LRFN5: variants seen among roughly 807,000 people sequenced by gnomAD.
The protein encoded by LRFN5 is leucine-rich repeat and fibronectin type-III domain-containing protein 5.
Under a neutral mutation model 45.6 loss-of-function variants are expected in LRFN5, and 24 were observed. The observed-to-expected ratio is 0.53, with a 90% CI of 0.38 to 0.74. LRFN5 has a LOEUF of 0.74. LRFN5 is among the 30% of genes least tolerant of loss of function. LRFN5 has a pLI of 0.00. For missense variants in LRFN5, 776 were observed against 861.5 expected (o/e 0.90, Z 1.24); for synonymous variants, 340 against 313.8 (o/e 1.08, Z -0.88).
At chr14:41,817,153 T>C (rs577589710) in intron 2 of LRFN5, among the ~76,000 whole-genome samples, 1 of 152,218 alleles carries the variant, frequency 6.6e-6, no homozygotes, top group South Asian at 2.1e-4. Flanking sequence ...AATTTTTATA[T>C]CTCTGCTTAC....
intron 1 of LRFN5, among the ~76,000 whole-genome samples, chr14:41,673,747 C>T (rs1009348463): frequency 1.5e-5 from 2 of 134,894 alleles, no homozygotes; most frequent in African/African-American, 2.8e-5. Flanking sequence ...TAGGGGTGGC[C>T]GGGCAGAGGC....
chr14:41,671,709 T>C (rs1485941199), intron 1 of LRFN5, among the ~76,000 whole-genome samples: 3 of 142,044 alleles, frequency 2.1e-5, no homozygotes, highest in Non-Finnish European at 4.5e-5. Context: ...CTCTGCCTCC[T>C]GGGTTCAAGC....
intron 2 of LRFN5, among the ~76,000 whole-genome samples, chr14:41,797,102 G>A (rs1276275725): frequency 6.6e-6 from 1 of 151,766 alleles, no homozygotes; most frequent in Non-Finnish European, 1.5e-5. Flanking sequence ...TTAATCAACA[G>A]TGTCAAATAT....
At chr14:41,809,119 T>C (rs1887651802) in intron 2 of LRFN5, among the ~76,000 whole-genome samples, 1 of 152,090 alleles carries the variant, frequency 6.6e-6, no homozygotes. Flanking sequence ...ATCTGGATTT[T>C]TTAGTCTAAC....
chr14:41,705,681 C>A (rs1453144823), intron 1 of LRFN5, among the ~76,000 whole-genome samples: 4 of 152,144 alleles, frequency 2.6e-5, no homozygotes, highest in African/African-American at 4.8e-5. Context: ...GGTAACCTAG[C>A]AACATGTTTA....
chr14:41,707,204 G>A (rs1464838665), intron 1 of LRFN5, among the ~76,000 whole-genome samples: 1 of 152,184 alleles, frequency 6.6e-6, no homozygotes, highest in Non-Finnish European at 1.5e-5. Flanking sequence ...TAAGGTGGAA[G>A]GCAAGAATAT....
chr14:41,852,771 A>C (rs1889316107), intron 2 of LRFN5, among the ~76,000 whole-genome samples: 2 of 151,930 alleles, frequency 1.3e-5, no homozygotes, highest in Admixed American at 1.3e-4. Context: ...TGCTCCATTG[A>C]ATAAAACTAC....
Position 41,607,718 on chromosome 14 carries a change from G to A in LRFN5, c.-1041G>A, listed in dbSNP as rs1346983480. ...CGGCTGCTGGGCTGTGGACCCAGGT[G>A]TGTGGATCGCTTTACCCAGAAGCTT... On this transcript the variant is annotated 5_prime_UTR_variant, in exon 1 of 6. In the 5' UTR this introduces an upstream ATG that the reference lacks. Transcript: ENST00000298119. 1 of 152,274 alleles carries A rather than the reference G, an allele frequency of 6.6e-6. No individual in the cohort carries two copies. The highest frequency in any genetic ancestry group is 1.9e-4 in the East Asian group (1 of 5,164). 9.4% of individuals were successfully genotyped at this position (152,274 alleles called of 1,614,324 possible).
chr14:41,798,993 T>G (rs1001758762), intron 2 of LRFN5, among the ~76,000 whole-genome samples: 4 of 152,092 alleles, frequency 2.6e-5, no homozygotes, highest in African/African-American at 9.6e-5. Context: ...TTTATCATTT[T>G]ACCTTGTATT....
intron 2 of LRFN5, among the ~76,000 whole-genome samples, chr14:41,796,846 A>G (rs766463383): frequency 1.3e-5 from 2 of 151,900 alleles, no homozygotes; most frequent in Non-Finnish European, 2.9e-5. Flanking sequence ...GCTGTCGAAG[A>G]TAATAATTCT....
intron 2 of LRFN5, among the ~76,000 whole-genome samples, chr14:41,799,624 T>C (rs17112273): frequency 0.14 from 22,032 of 151,966 alleles, 1,767 homozygotes; most frequent in East Asian, 0.22. Context: ...TATTTGTTAA[T>C]GTATTTTTCT....
chr14:41,880,671 T>G (rs1890347855), intron 2 of LRFN5, among the ~76,000 whole-genome samples: 1 of 152,174 alleles, frequency 6.6e-6, no homozygotes, highest in Non-Finnish European at 1.5e-5. Flanking sequence ...CTTTTATAGC[T>G]ACTGCTCTCT....
Position 41,856,675 on chromosome 14 carries a change from A to ATTATTTTTTTTTTTT in LRFN5, c.-20-29929_-20-29928insATTTTTTTTTTTTTT. 5.6e-3 allele frequency among the ~76,000 whole-genome samples: 102 copies of ATTATTTTTTTTTTTT among 18,338 alleles called. 11 individuals are homozygous for ATTATTTTTTTTTTTT. The highest frequency in any genetic ancestry group is 0.071 in the Middle Eastern group (1 of 14). 12.0% of individuals were successfully genotyped at this position (18,338 alleles called of 152,430 possible). A position where few individuals can be genotyped will look rare whatever the true frequency, so the allele number is the denominator to read the frequency against. On this transcript the variant is annotated intron_variant, in intron 2 of 5. Transcript: ENST00000298119. ...TTCTTTCCTAATTATTATTATTATT[A>ATTATTTTTTTTTTTT]TTTTTTTTTTTTTTTTTTTGAGACG...
At chr14:41,894,784 T>G (rs1460910829) in intron 4 of LRFN5, 1 of 981,832 alleles carries the variant, frequency 1.0e-6, no homozygotes, top group East Asian at 1.1e-4. Context: ...GAATTTTCAT[T>G]TGTTAGTACA....
intron 2 of LRFN5, among the ~76,000 whole-genome samples, chr14:41,811,102 G>T (rs995632906): frequency 2.0e-5 from 3 of 151,874 alleles, no homozygotes; most frequent in African/African-American, 7.3e-5. Flanking sequence ...ATTTTAAAAG[G>T]TGCAAATAAT....
intron 1 of LRFN5, among the ~76,000 whole-genome samples, chr14:41,762,682 C>T (rs959125357): frequency 2.0e-5 from 3 of 151,890 alleles, no homozygotes; most frequent in Admixed American, 2.0e-4. Context: ...ATAGAATTTC[C>T]TATCTTATAA....
At chr14:41,614,761 G>A (rs1887875936) in intron 1 of LRFN5, among the ~76,000 whole-genome samples, 1 of 152,042 alleles carries the variant, frequency 6.6e-6, no homozygotes, top group African/African-American at 2.4e-5. Flanking sequence ...CTAATAATAT[G>A]ACTTATGCAA....
chr14:41,666,392 T>TA, intron 1 of LRFN5, among the ~76,000 whole-genome samples: 1 of 152,196 alleles, frequency 6.6e-6, no homozygotes, highest in East Asian at 1.9e-4. Context: ...TTATAATGTT[T>TA]AAAGTATCCT....
chr14:41,850,876 T>C lies in LRFN5; in HGVS notation c.-20-35730T>C, dbSNP rs182334400. ...TTATAACTTTGTTATCCAAATGTAATTGTAGTATTTCAGAAAAAAAAATAT... is the reference window on the plus strand; with the variant it reads ...TTATAACTTTGTTATCCAAATGTAACTGTAGTATTTCAGAAAAAAAAATAT... On this transcript the variant is annotated intron_variant, in intron 2 of 5. Transcript: ENST00000298119. Among the ~76,000 whole-genome samples, 24 of 151,876 alleles carry C rather than the reference T, an allele frequency of 1.6e-4. No homozygotes were observed. In the East Asian group the frequency reaches 3.7e-3, roughly 23 times the overall value.
Sources: gnomAD v4.1 joint callset for allele counts (sites outside exome capture counted in the v4.1 genomes callset) on GRCh38, gnomAD v4.1.1 for gene constraint, MANE v1.5 for transcripts, NCBI Gene and HGNC (gene_info 2026-07-23, HGNC 2026-07-21) for gene names.